The following THRAP3 variants were observed in gnomAD, a reference collection of about 807,000 sequenced individuals.
The protein encoded by THRAP3 is thyroid hormone receptor associated protein 3.
THRAP3 carries 16 observed loss-of-function variants against 101.0 expected under a neutral mutation model. The observed-to-expected ratio is 0.16, with a 90% CI of 0.11 to 0.24. THRAP3 has a LOEUF of 0.24. Among genes scored for constraint, THRAP3 ranks in the 10% least tolerant of loss-of-function variants. The pLI is 1.00. For missense variants in THRAP3, 989 were observed against 1,202.7 expected (o/e 0.82, Z 2.63); for synonymous variants, 407 against 422.6 (o/e 0.96, Z 0.45).
chr1:36,213,976 AGAAAGAAAGAAAGAAAGAAAG>A, the THRAP3 span, among the ~76,000 whole-genome samples: 2 of 104,254 alleles, frequency 1.9e-5, no homozygotes, highest in South Asian at 3.0e-4. Flanking sequence ...AGAGAAAGAA[AGAAAGAAAGAAAGAAAGAAAG>A]GAAAGAAAGA....
upstream of THRAP3, among the ~76,000 whole-genome samples, chr1:36,219,600 T>C (rs1194567869): frequency 6.6e-6 from 1 of 151,982 alleles, no homozygotes; most frequent in Admixed American, 6.6e-5. Flanking sequence ...AACTTTTTTT[T>C]TTTTTTTAAA....
At chr1:36,214,625 G>A in the THRAP3 span, among the ~76,000 whole-genome samples, 255 of 152,206 alleles carry the variant, frequency 1.7e-3, 1 homozygote, top group East Asian at 0.029. Flanking sequence ...CTGGAAGGCC[G>A]AGGTGGGTGG....
At chr1:36,254,647 A>T (rs1478872460) in intron 1 of THRAP3, among the ~76,000 whole-genome samples, 1 of 152,190 alleles carries the variant, frequency 6.6e-6, no homozygotes, top group Non-Finnish European at 1.5e-5. Context: ...AAGTAGCCAT[A>T]TGTAAATGAA....
the THRAP3 span, among the ~76,000 whole-genome samples, chr1:36,216,230 A>G: frequency 6.6e-6 from 1 of 151,862 alleles, no homozygotes; most frequent in Non-Finnish European, 1.5e-5. Flanking sequence ...AATTAAAAAG[A>G]AAAAAACAGC....
intron 3 of THRAP3, 53 bp downstream of exon 3, chr1:36,282,753 G>A (rs997640546): frequency 1.4e-5 from 23 of 1,598,832 alleles, no homozygotes; most frequent in African/African-American, 2.7e-5. Flanking sequence ...AGTCGATGTG[G>A]ATGTTTGAAG....
At chr1:36,213,930 A>AGAAAG in the THRAP3 span, among the ~76,000 whole-genome samples, 1 of 127,882 alleles carries the variant, frequency 7.8e-6, no homozygotes, top group South Asian at 2.3e-4. Flanking sequence ...AAAGAAAGAA[A>AGAAAG]GAAAGAAAGA....
intron 2 of THRAP3, among the ~76,000 whole-genome samples, chr1:36,263,764 T>G (rs1645477607): frequency 6.6e-6 from 1 of 152,240 alleles, no homozygotes; most frequent in African/African-American, 2.4e-5. Flanking sequence ...ACGCATTGAC[T>G]GAATTCTCAG....
chr1:36,262,930 C>T (rs1008507062), intron 2 of THRAP3, among the ~76,000 whole-genome samples: 13 of 147,028 alleles, frequency 8.8e-5, no homozygotes, highest in African/African-American at 3.3e-4. Context: ...GTAGCTGGGA[C>T]TACAGGCGCC....
rs777504337 is a variant in THRAP3, at chr1:36,303,992, A to C, written c.2843A>C (p.Asp948Ala). The part of the protein sequence containing the change: ...ESGTENREEK[D>A]NIQPTTE ...GGGACAGAGAACCGAGAAGAGAAGG[A>C]CAATATACAGCCCACAACCGAGTAG... is the stretch of plus-strand genomic sequence containing the variant. The change falls in exon 12 of 12, where the codon GAC becomes GCC. Residue 948 changes from aspartate to alanine, a missense_variant. Asp to Ala is a moderately radical substitution (Grantham distance 126, BLOSUM62 -2). Coordinates refer to ENST00000354618, the MANE Select transcript of THRAP3 (RefSeq NM_005119.4). The C allele has an allele frequency of 1.3e-6, 2 of 1,588,684 alleles. No homozygotes were observed. The highest frequency in any genetic ancestry group is 1.7e-6 in the Non-Finnish European group (2 of 1,167,790).
intron 9 of THRAP3, among the ~76,000 whole-genome samples, chr1:36,298,016 G>A (rs1025362168): frequency 1.5e-4 from 23 of 150,916 alleles, no homozygotes; most frequent in African/African-American, 4.4e-4. Flanking sequence ...GCATGGTGGC[G>A]TGCGCCTGTA....
chr1:36,302,684 G>A (rs1043633122), intron 11 of THRAP3, among the ~76,000 whole-genome samples: 1 of 151,982 alleles, frequency 6.6e-6, no homozygotes, highest in African/African-American at 2.4e-5. Context: ...AGCTTTTGTG[G>A]GGGGGTGGTT....
chr1:36,220,503 G>A (rs946249845), upstream of THRAP3, among the ~76,000 whole-genome samples: 2 of 151,872 alleles, frequency 1.3e-5, no homozygotes, highest in African/African-American at 4.8e-5. Context: ...AATGGTTTAC[G>A]ATACAATCAA....
At chr1:36,244,048 G>T (rs1169316295) in intron 1 of THRAP3, among the ~76,000 whole-genome samples, 1 of 151,938 alleles carries the variant, frequency 6.6e-6, no homozygotes, top group Non-Finnish European at 1.5e-5. Context: ...CTCCCGGACG[G>T]GGCGGCTGGC....
At chr1:36,274,176 AAATC>A (rs754313438) in intron 2 of THRAP3, among the ~76,000 whole-genome samples, 1 of 152,162 alleles carries the variant, frequency 6.6e-6, no homozygotes, top group African/African-American at 2.4e-5. Context: ...TAACAAGTGA[AAATC>A]AATCGTAAGT....
chr1:36,288,641 A>G (rs1645826226), intron 4 of THRAP3: 1 of 985,480 alleles, frequency 1.0e-6, no homozygotes, highest in Non-Finnish European at 1.2e-6. Context: ...TATAAAAGCA[A>G]AACAGTCCAA....
At position 36,289,615 on chromosome 1, in the gene THRAP3, A is replaced by C. The variant is rs755820180; in HGVS notation, c.1596A>C (p.Lys532Asn). 6 of 1,614,196 alleles carry C rather than the reference A, an allele frequency of 3.7e-6. No homozygotes were observed. Among genetic ancestry groups the C allele is most frequent in the Non-Finnish European group, 4.2e-6 (5 of 1,180,030 alleles). Reference protein sequence around the residue: ...RVTAYKAVQEKSSSPPPRKTS... With the variant: ...RVTAYKAVQENSSSPPPRKTS... ...CTGCTTATAAAGCAGTCCAGGAGAAAAGCTCATCACCTCCCCCAAGAAAGA... is the reference window on the plus strand; with the variant it reads ...CTGCTTATAAAGCAGTCCAGGAGAACAGCTCATCACCTCCCCCAAGAAAGA... The change falls in exon 5 of 12, where the codon AAA becomes AAC. Residue 532 changes from lysine to asparagine, a missense_variant. By Grantham distance (94) the Lys-to-Asn change is moderately conservative. Transcript: ENST00000354618.
chr1:36,210,564 G>A, the THRAP3 span, among the ~76,000 whole-genome samples: 1 of 141,312 alleles, frequency 7.1e-6, no homozygotes, highest in Non-Finnish European at 1.5e-5. Flanking sequence ...GGTGTCGTGC[G>A]CCTGTAATCC....
At chr1:36,302,293 T>G (rs1646039697) in intron 11 of THRAP3, among the ~76,000 whole-genome samples, 1 of 152,182 alleles carries the variant, frequency 6.6e-6, no homozygotes, top group South Asian at 2.1e-4. Context: ...GTGTTATAAC[T>G]AAGGTAAAGG....
At chr1:36,243,152 T>C (rs1487187312) in intron 1 of THRAP3, among the ~76,000 whole-genome samples, 12 of 76,084 alleles carry the variant, frequency 1.6e-4, no homozygotes, top group African/African-American at 6.8e-4. Context: ...AGGAACTTTC[T>C]TTTTTTTTTT....
Sources: allele counts gnomAD v4.1 joint callset (sites outside exome capture counted in the v4.1 genomes callset), GRCh38; gene constraint gnomAD v4.1.1; transcripts MANE v1.5; gene names NCBI Gene and HGNC (gene_info 2026-07-23, HGNC 2026-07-21).